ROBO1: variants seen among roughly 807,000 people sequenced by gnomAD.
ROBO1 encodes the protein roundabout homolog 1.
ROBO1 carries 149 observed loss-of-function variants against 195.9 expected under a neutral mutation model. That is an observed-to-expected ratio of 0.76 (90% CI 0.67 to 0.87). ROBO1 has a LOEUF of 0.87. Ranked by LOEUF, ROBO1 falls within the 40% of genes least tolerant of loss-of-function variation. The pLI is 0.00. For synonymous variants in ROBO1, 816 were observed against 733.2 expected, an observed-to-expected ratio of 1.11 and a Z score of -1.82; for missense variants, 1,933 against 2,068.3, an observed-to-expected ratio of 0.93 and a Z score of 1.27.
chr3:78,805,741 A>G (rs564133517), intron 4 of ROBO1, among the ~76,000 whole-genome samples: 2 of 152,192 alleles, frequency 1.3e-5, no homozygotes, highest in East Asian at 3.9e-4. Flanking sequence ...GGCTCTCTGT[A>G]TGTTAAAATA....
At chr3:79,609,363 A>G (rs1020938280) in intron 1 of ROBO1, among the ~76,000 whole-genome samples, 2 of 151,958 alleles carry the variant, frequency 1.3e-5, no homozygotes. Context: ...AAGTGTCAGT[A>G]GGGATGAAGA....
intron 1 of ROBO1, among the ~76,000 whole-genome samples, chr3:79,674,839 T>TC (rs1946736191): frequency 7.1e-6 from 1 of 140,238 alleles, no homozygotes. Flanking sequence ...TGTGTGTGTG[T>TC]GTGTGTGTGT....
chr3:79,577,647 G>A (rs1943530305), intron 2 of ROBO1, among the ~76,000 whole-genome samples: 1 of 151,714 alleles, frequency 6.6e-6, no homozygotes, highest in Non-Finnish European at 1.5e-5. Context: ...AGGCCAAGGC[G>A]GGCAGGTCAC....
chr3:79,380,458 T>A (rs2109367817), intron 2 of ROBO1, among the ~76,000 whole-genome samples: 1 of 152,308 alleles, frequency 6.6e-6, no homozygotes, highest in African/African-American at 2.4e-5. Context: ...GACTCAAAAT[T>A]CTTTGCTATA....
intron 3 of ROBO1, among the ~76,000 whole-genome samples, chr3:79,088,905 T>C (rs1382520284): frequency 3.3e-5 from 5 of 152,206 alleles, no homozygotes; most frequent in African/African-American, 1.2e-4. Flanking sequence ...GGGAACAAAA[T>C]TGAGAAGTTA....
chr3:78,846,392 T>C (rs575742102), intron 4 of ROBO1, among the ~76,000 whole-genome samples: 1 of 152,236 alleles, frequency 6.6e-6, no homozygotes, highest in African/African-American at 2.4e-5. Context: ...TTAAAATGGA[T>C]GCAAATCCTC....
rs1431047280 is a variant in ROBO1 at position 78,680,883 on chromosome 3, C to T, written c.1342+4863G>A. On this transcript the variant is annotated intron_variant, in intron 10 of 30. Coordinates refer to ENST00000464233, the MANE Select transcript of ROBO1 (RefSeq NM_002941.4). ...ATGCTGCTATAAAGACACATGCACA[C>T]GTGTGTTTATTGCAGCACTATTCAC... Among the ~76,000 whole-genome samples, 9 of 149,046 alleles carry T rather than the reference C, an allele frequency of 6.0e-5. No homozygotes were observed. The East Asian group carries it at 7.8e-4, about 13-fold the overall frequency.
In ROBO1 at chr3:79,661,907, G is replaced by A. The variant is rs371630778; in HGVS notation, c.-50-71946C>T. On this transcript the variant is annotated intron_variant, in intron 1 of 30. Coordinates refer to ENST00000464233, the MANE Select transcript of ROBO1 (RefSeq NM_002941.4). ...AATGATTTTTACTGCATCTTCCATTGTACTTTGTTTATATTTTCTCTTTTT... is the reference window on the plus strand; with the variant it reads ...AATGATTTTTACTGCATCTTCCATTATACTTTGTTTATATTTTCTCTTTTT... 1.8e-4 allele frequency among the ~76,000 whole-genome samples: 28 copies of A among 152,084 alleles called. No homozygotes were observed. The East Asian group carries it at 2.7e-3, about 15-fold the overall frequency.
chr3:78,715,482 C>T (rs1192776235), intron 7 of ROBO1, among the ~76,000 whole-genome samples: 4 of 152,078 alleles, frequency 2.6e-5, no homozygotes, highest in South Asian at 4.2e-4. Context: ...CTGCCACTAG[C>T]CTCTCCCCAG....
intron 2 of ROBO1, among the ~76,000 whole-genome samples, chr3:79,295,926 G>A (rs2032570236): frequency 6.6e-6 from 1 of 152,024 alleles, no homozygotes; most frequent in Non-Finnish European, 1.5e-5. Flanking sequence ...TTTAGATAAC[G>A]GTGAAACTAA....
chr3:79,580,335 A>G (rs541882071), intron 2 of ROBO1, among the ~76,000 whole-genome samples: 24 of 151,862 alleles, frequency 1.6e-4, no homozygotes, highest in Non-Finnish European at 3.1e-4. Context: ...TTAGCCAGGC[A>G]TGGTGGTGCA....
At chr3:78,792,246 T>G (rs2084042857) in intron 4 of ROBO1, among the ~76,000 whole-genome samples, 1 of 152,170 alleles carries the variant, frequency 6.6e-6, no homozygotes, top group Admixed American at 6.5e-5. Flanking sequence ...AATGTGGTGA[T>G]GGTAGGTGTC....
chr3:79,689,707 G>C (rs1947243724), intron 1 of ROBO1, among the ~76,000 whole-genome samples: 5 of 151,880 alleles, frequency 3.3e-5, no homozygotes. Flanking sequence ...TTTAATTTTA[G>C]CAATATATTA....
chr3:79,716,183 T>C (rs1412873633), intron 1 of ROBO1, among the ~76,000 whole-genome samples: 1 of 152,024 alleles, frequency 6.6e-6, no homozygotes, highest in East Asian at 1.9e-4. Context: ...TTATTATATC[T>C]GATTTGTCAT....
intron 2 of ROBO1, among the ~76,000 whole-genome samples, chr3:79,134,223 C>T (rs1397912624): frequency 2.2e-5 from 3 of 134,444 alleles, no homozygotes; most frequent in Non-Finnish European, 3.1e-5. Context: ...AAAAAGTGGG[C>T]GAAGGACATG....
chr3:78,772,430 C>A (rs961055612), intron 4 of ROBO1, among the ~76,000 whole-genome samples: 1 of 151,810 alleles, frequency 6.6e-6, no homozygotes, highest in East Asian at 1.9e-4. Context: ...TGTAAAAGGA[C>A]GTAACTAAAA....
chr3:79,104,625 T>A (rs1208386549), intron 3 of ROBO1, among the ~76,000 whole-genome samples: 1 of 151,716 alleles, frequency 6.6e-6, no homozygotes. Flanking sequence ...TTATCACTCT[T>A]CAGTTCTCAC....
At chr3:78,792,235 G>A (rs2084042556) in intron 4 of ROBO1, among the ~76,000 whole-genome samples, 1 of 152,194 alleles carries the variant, frequency 6.6e-6, no homozygotes, top group African/African-American at 2.4e-5. Flanking sequence ...TCTTATAATT[G>A]AATGTGGTGA....
intron 3 of ROBO1, among the ~76,000 whole-genome samples, chr3:79,003,780 A>C (rs2077559925): frequency 6.6e-6 from 1 of 152,184 alleles, no homozygotes; most frequent in Non-Finnish European, 1.5e-5. Context: ...TGAAAAGCAC[A>C]CTGAGGAGGA....
Sources: allele counts gnomAD v4.1 joint callset (sites outside exome capture counted in the v4.1 genomes callset), GRCh38; gene constraint gnomAD v4.1.1; transcripts MANE v1.5; gene names NCBI Gene and HGNC (gene_info 2026-07-23, HGNC 2026-07-21).